MBOAT2: variants seen among roughly 807,000 people sequenced by gnomAD.
MBOAT2 encodes the protein membrane bound glycerophospholipid O-acyltransferase 2.
In MBOAT2, 28 loss-of-function variants were observed where a neutral mutation model predicts 63.4. That is an observed-to-expected ratio of 0.44 (90% CI 0.33 to 0.61). The LOEUF (loss-of-function observed/expected upper bound fraction) is 0.61, where lower values mean the gene tolerates loss of function less well. Among genes scored for constraint, MBOAT2 ranks in the 20% least tolerant of loss-of-function variants. The pLI, the probability that MBOAT2 is intolerant of heterozygous loss-of-function variation, is 0.03. For synonymous variants in MBOAT2, 211 were observed against 215.6 expected (o/e 0.98, Z 0.19); for missense variants, 470 against 605.8 (o/e 0.78, Z 2.35).
At chr2:8,946,425 G>GA in intron 2 of MBOAT2, among the ~76,000 whole-genome samples, 1 of 151,720 alleles carries the variant, frequency 6.6e-6, no homozygotes, top group Non-Finnish European at 1.5e-5. Context: ...TGTTTTAAAA[G>GA]AAAAAAGCTA....
chr2:8,859,172 T>A (rs1467825885), intron 12 of MBOAT2, among the ~76,000 whole-genome samples: 1 of 152,128 alleles, frequency 6.6e-6, no homozygotes, highest in African/African-American at 2.4e-5. Context: ...AAGGCCATGG[T>A]TAAACAGAAT....
chr2:8,953,536 G>C (rs1439751983), intron 2 of MBOAT2, among the ~76,000 whole-genome samples: 1 of 152,090 alleles, frequency 6.6e-6, no homozygotes, highest in Non-Finnish European at 1.5e-5. Flanking sequence ...ACATTTTCCA[G>C]GTTGTTTGCT....
intron 1 of MBOAT2, among the ~76,000 whole-genome samples, chr2:8,980,730 T>C (rs1249654826): frequency 6.6e-6 from 1 of 152,060 alleles, no homozygotes; most frequent in African/African-American, 2.4e-5. Context: ...GACAAGAATG[T>C]GGAGAAGCTG....
intron 1 of MBOAT2, among the ~76,000 whole-genome samples, chr2:8,987,281 T>C (rs2103352706): frequency 6.6e-6 from 1 of 152,292 alleles, no homozygotes; most frequent in South Asian, 2.1e-4. Context: ...ACCAAAGTCC[T>C]CCCAGTCTTT....
At chr2:8,916,384 G>C (rs1173287919) in intron 3 of MBOAT2, among the ~76,000 whole-genome samples, 2 of 152,172 alleles carry the variant, frequency 1.3e-5, no homozygotes, top group Admixed American at 6.5e-5. Flanking sequence ...TTCTAGAACG[G>C]AACATTTTCT....
chr2:8,940,684 A>ATG (rs537085586), intron 3 of MBOAT2, among the ~76,000 whole-genome samples: 9 of 133,342 alleles, frequency 6.7e-5, no homozygotes, highest in South Asian at 5.5e-4. Flanking sequence ...GTGTGTATAC[A>ATG]TGTGTGTGTG....
chr2:8,983,020 T>C (rs1671308095), intron 1 of MBOAT2, among the ~76,000 whole-genome samples: 1 of 152,106 alleles, frequency 6.6e-6, no homozygotes, highest in African/African-American at 2.4e-5. Flanking sequence ...ATAGCCACAA[T>C]ACAACTATCC....
chr2:8,858,940 A>C, intron 12 of MBOAT2, 36 bp from the exon 13 acceptor site: 1 of 1,454,934 alleles, frequency 6.9e-7, no homozygotes. Flanking sequence ...TTAAAACTTG[A>C]TAATTAATAA....
chr2:8,912,413 A>AAGAAAGAAAGACAGAC (rs1274023844), intron 3 of MBOAT2, among the ~76,000 whole-genome samples: 1 of 136,804 alleles, frequency 7.3e-6, no homozygotes. Flanking sequence ...GAAAGAAAGA[A>AAGAAAGAAAGACAGAC]AGACAGGCCG....
rs1661273917 is a variant in MBOAT2, at chr2:8,858,650, A to T, written c.*29T>A. ...AGATTGGTTTCTGTTAACATCAAAA[A>T]AAAAAAACAGCCCTCAGAGCCTTCC... On this transcript the variant is annotated 3_prime_UTR_variant, in exon 13 of 13. Transcript: ENST00000305997. 6.5e-7 allele frequency: 1 copy of T among 1,534,874 alleles called. No individual in the cohort carries two copies. The highest frequency in any genetic ancestry group is 8.8e-7 in the Non-Finnish European group (1 of 1,134,180).
chr2:8,959,571 C>T (rs1669473535), intron 1 of MBOAT2, among the ~76,000 whole-genome samples: 1 of 151,934 alleles, frequency 6.6e-6, no homozygotes, highest in Non-Finnish European at 1.5e-5. Context: ...GGGCAATTCT[C>T]CCACCTCAGC....
At chr2:8,893,225 T>C (rs1025439970) in intron 4 of MBOAT2, among the ~76,000 whole-genome samples, 8 of 152,168 alleles carry the variant, frequency 5.3e-5, no homozygotes, top group Non-Finnish European at 7.4e-5. Flanking sequence ...ATGTATCCAA[T>C]GTGGGGTTTC....
chr2:8,978,788 C>T (rs1671005109), intron 1 of MBOAT2, among the ~76,000 whole-genome samples: 1 of 151,938 alleles, frequency 6.6e-6, no homozygotes, highest in Non-Finnish European at 1.5e-5. Context: ...ATGTAACAAA[C>T]CCGCACATTC....
intron 1 of MBOAT2, among the ~76,000 whole-genome samples, chr2:8,992,323 T>C (rs568455488): frequency 5.9e-5 from 9 of 152,202 alleles, no homozygotes; most frequent in Non-Finnish European, 8.8e-5. Flanking sequence ...TAATACAGAT[T>C]TGAAGGTCTC....
chr2:8,872,599 A>C (rs1181372502), intron 8 of MBOAT2, among the ~76,000 whole-genome samples: 1 of 152,192 alleles, frequency 6.6e-6, no homozygotes, highest in Non-Finnish European at 1.5e-5. Flanking sequence ...AATTAAAGCC[A>C]CGATTGCATG....
At position 9,003,302 on chromosome 2, in the gene MBOAT2, C is replaced by T. The variant is rs1051669761; in HGVS notation, c.75+238G>A. On this transcript the variant is annotated intron_variant, in intron 1 of 12. Coordinates refer to ENST00000305997, the MANE Select transcript of MBOAT2 (RefSeq NM_138799.4). This position sits in a 1 kb window ranked among gnomAD's most constrained non-coding sequence, Gnocchi z 5.4. The stretch of plus-strand genomic sequence containing the variant: ...CCCCGGGGGCTGTCGCCGGCAACAA[C>T]GCCCGGCCCACCTCCCGCTCGGCCC... Among the ~76,000 whole-genome samples, 1 of 152,160 alleles carries T rather than the reference C, an allele frequency of 6.6e-6. No individual in the cohort carries two copies. The highest frequency in any genetic ancestry group is 2.4e-5 in the African/African-American group (1 of 41,456).
chr2:8,890,876 A>G (rs1663943032), intron 4 of MBOAT2, among the ~76,000 whole-genome samples: 1 of 152,190 alleles, frequency 6.6e-6, no homozygotes, highest in African/African-American at 2.4e-5. Flanking sequence ...GTCAAGATCT[A>G]TTATTCCTTC....
chr2:8,995,000 A>G (rs1223971786), intron 1 of MBOAT2, among the ~76,000 whole-genome samples: 2 of 152,264 alleles, frequency 1.3e-5, no homozygotes, highest in African/African-American at 4.8e-5. Flanking sequence ...CGTTGCTCTA[A>G]GCAATTTACT....
intron 3 of MBOAT2, among the ~76,000 whole-genome samples, chr2:8,932,339 T>G (rs1667379446): frequency 6.6e-6 from 1 of 152,168 alleles, no homozygotes; most frequent in Non-Finnish European, 1.5e-5. Context: ...AAATCACTAT[T>G]ATACTCAGAT....
Sources: gnomAD v4.1 joint callset for allele counts (sites outside exome capture counted in the v4.1 genomes callset) on GRCh38, gnomAD v4.1.1 for gene constraint, Gnocchi (gnomAD v3.1) non-coding constraint, MANE v1.5 for transcripts, NCBI Gene and HGNC (gene_info 2026-07-23, HGNC 2026-07-21) for gene names.